The following NCALD variants were observed in gnomAD, a reference collection of about 807,000 sequenced individuals.
NCALD encodes neurocalcin delta.
In NCALD, 10 loss-of-function variants were observed where a neutral mutation model predicts 18.6. The observed-to-expected ratio is 0.54, with a 90% CI of 0.33 to 0.91. NCALD has a LOEUF of 0.91. NCALD is among the 40% of genes least tolerant of loss of function. The probability of loss-of-function intolerance (pLI) is 0.03; values close to 1 mark genes in which losing one functional copy is unlikely to be tolerated. For missense variants in NCALD, 184 were observed against 247.6 expected, an observed-to-expected ratio of 0.74 and a Z score of 1.72; for synonymous variants, 88 against 87.4, an observed-to-expected ratio of 1.01 and a Z score of -0.04.
chr8:101,787,177 GAA>G (rs759787383), intron 1 of NCALD, among the ~76,000 whole-genome samples: 1 of 152,000 alleles, frequency 6.6e-6, no homozygotes, highest in Non-Finnish European at 1.5e-5. Context: ...ATTCCTTTTT[GAA>G]AAGTTTCAAA....
At chr8:101,940,763 C>A (rs1818926385) in intron 2 of NCALD, among the ~76,000 whole-genome samples, 1 of 151,912 alleles carries the variant, frequency 6.6e-6, no homozygotes, top group South Asian at 2.1e-4. Context: ...GCCTAACTGG[C>A]CAGCCAATGA....
rs540923351 is a variant in NCALD at position 101,962,280 on chromosome 8, T to A, written c.-156-46422A>T. On this transcript the variant is annotated intron_variant, in intron 2 of 6. Coordinates refer to the NCALD transcript ENST00000311028. ...ATGGCACAGTCTGCCAAACTCCAGT[T>A]GCGAGTCTGTAATTCATCTTGTTAC... 4.1e-4 allele frequency among the ~76,000 whole-genome samples: 62 copies of A among 152,332 alleles called. 1 individual carries two copies. In the South Asian group the frequency reaches 0.01, roughly 25 times the overall value.
intron 4 of NCALD, among the ~76,000 whole-genome samples, chr8:101,841,209 G>C (rs1048454612): frequency 2.6e-5 from 4 of 152,162 alleles, no homozygotes; most frequent in Non-Finnish European, 1.5e-5. Flanking sequence ...TAGACTGAGG[G>C]CTGGTTGGCC....
intron 1 of NCALD, among the ~76,000 whole-genome samples, chr8:102,106,455 A>ATATATATATATATATATG (rs1825454016): frequency 7.2e-6 from 1 of 138,640 alleles, no homozygotes; most frequent in Non-Finnish European, 1.6e-5. Context: ...GTATATATAT[A>ATATATATATATATATATG]TATATATATA....
intron 4 of NCALD, among the ~76,000 whole-genome samples, chr8:101,878,942 T>TA (rs1263475790): frequency 3.3e-5 from 5 of 152,208 alleles, no homozygotes; most frequent in South Asian, 2.1e-4. Context: ...TCATGGAACT[T>TA]AGAGTCTAAG....
chr8:101,693,374 T>C lies in NCALD; in HGVS notation c.379-478A>G, dbSNP rs986872284. 5 of 146,800 alleles carry C rather than the reference T, an allele frequency of 3.4e-5. 1 individual carries two copies. In the Middle Eastern group the frequency reaches 0.01, roughly 300 times the overall value. 9.1% of individuals were successfully genotyped at this position (146,800 alleles called of 1,614,324 possible). A position where few individuals can be genotyped will look rare whatever the true frequency, so the allele number is the denominator to read the frequency against. On this transcript the variant is annotated intron_variant, in intron 2 of 3. Transcript: ENST00000220931. ...TTTCTGTACAGACAAGGTCTCATTA[T>C]GTTGCCCAAGCTGGTCTCGAACTCC...
intron 1 of NCALD, among the ~76,000 whole-genome samples, chr8:102,106,336 A>C (rs572149123): frequency 6.6e-6 from 1 of 151,976 alleles, no homozygotes; most frequent in Non-Finnish European, 1.5e-5. Context: ...AGCCTCCCAA[A>C]GTGCTGGGAT....
intron 1 of NCALD, among the ~76,000 whole-genome samples, chr8:102,031,403 A>G (rs1822665233): frequency 1.3e-5 from 2 of 152,234 alleles, no homozygotes; most frequent in Admixed American, 6.5e-5. Context: ...AGTCCAGGTA[A>G]TGGTTATTTA....
intron 1 of NCALD, among the ~76,000 whole-genome samples, chr8:102,036,493 G>C (rs1050395296): frequency 1.3e-5 from 2 of 152,006 alleles, no homozygotes; most frequent in African/African-American, 4.8e-5. Flanking sequence ...CAACATAAGA[G>C]GCCGGGTATG....
intron 1 of NCALD, among the ~76,000 whole-genome samples, chr8:102,035,788 C>A (rs932364106): frequency 5.3e-5 from 8 of 152,154 alleles, no homozygotes; most frequent in Non-Finnish European, 7.4e-5. Flanking sequence ...AAAGCCTCCT[C>A]ATTCAAAATG....
chr8:102,059,824 T>C (rs2132253711), intron 1 of NCALD, among the ~76,000 whole-genome samples: 1 of 152,166 alleles, frequency 6.6e-6, no homozygotes, highest in East Asian at 1.9e-4. Context: ...CTTTTAACTA[T>C]CTAAAGATAG....
intron 2 of NCALD, among the ~76,000 whole-genome samples, chr8:101,706,503 A>G (rs1815532733): frequency 6.6e-6 from 1 of 152,208 alleles, no homozygotes; most frequent in Non-Finnish European, 1.5e-5. Flanking sequence ...TGTTGTGAGG[A>G]TTAAATGAGA....
intron 4 of NCALD, among the ~76,000 whole-genome samples, chr8:101,799,794 G>T (rs920560248): frequency 6.6e-6 from 1 of 152,260 alleles, no homozygotes; most frequent in African/African-American, 2.4e-5. Context: ...AGGAAAGTAC[G>T]CTGGCTATAA....
intron 2 of NCALD, among the ~76,000 whole-genome samples, chr8:102,001,689 T>C (rs1413101589): frequency 2.0e-5 from 3 of 152,112 alleles, no homozygotes. Context: ...CAGCAGAAAC[T>C]CTACAAGCCA....
At chr8:102,044,491 C>G (rs955182931) in intron 1 of NCALD, among the ~76,000 whole-genome samples, 1 of 152,142 alleles carries the variant, frequency 6.6e-6, no homozygotes. Flanking sequence ...GACATTTCTG[C>G]GTCGTTTCTA....
intron 2 of NCALD, among the ~76,000 whole-genome samples, chr8:101,920,131 C>T (rs996867930): frequency 3.9e-5 from 6 of 152,060 alleles, no homozygotes; most frequent in African/African-American, 1.4e-4. Flanking sequence ...GTGGTGCATG[C>T]CTGTAGTCCC....
intron 1 of NCALD, among the ~76,000 whole-genome samples, chr8:102,083,513 C>CT (rs1465298072): frequency 3.9e-5 from 6 of 152,102 alleles, no homozygotes; most frequent in Admixed American, 1.3e-4. Flanking sequence ...TTCCTTTATT[C>CT]TTTTTATCTT....
At chr8:101,856,401 G>C (rs1272562210) in intron 4 of NCALD, among the ~76,000 whole-genome samples, 1 of 152,080 alleles carries the variant, frequency 6.6e-6, no homozygotes. Context: ...TTGAACTCTT[G>C]GCCTCAAGCC....
intron 1 of NCALD, among the ~76,000 whole-genome samples, chr8:101,769,444 G>A (rs555556324): frequency 1.3e-5 from 2 of 152,126 alleles, no homozygotes; most frequent in African/African-American, 4.8e-5. Flanking sequence ...AAGCTTTTAA[G>A]TGAACATACT....
Sources: gnomAD v4.1 joint callset for allele counts (sites outside exome capture counted in the v4.1 genomes callset) on GRCh38, gnomAD v4.1.1 for gene constraint, MANE v1.5 for transcripts, NCBI Gene and HGNC (gene_info 2026-07-23, HGNC 2026-07-21) for gene names.